Variants in PRKX observed in about 807,000 individuals in gnomAD.
The protein encoded by PRKX is cAMP-dependent protein kinase catalytic subunit PRKX.
Under a neutral mutation model 22.0 loss-of-function variants are expected in PRKX, and 12 were observed. The observed-to-expected ratio is 0.54, with a 90% confidence interval of 0.35 to 0.88. PRKX has a LOEUF of 0.88. PRKX is among the 40% of genes least tolerant of loss of function. The pLI is 0.01. For missense variants in PRKX, 217 were observed against 308.0 expected, an observed-to-expected ratio of 0.70 and a Z score of 2.21; for synonymous variants, 134 against 137.7, an observed-to-expected ratio of 0.97 and a Z score of 0.19.
rs1299668292 is a variant in PRKX at position 3,605,022 on chromosome X, C to G, written c.*3947G>C. ...CCTCACCTTCACCAAGACACACACACACACACACACACACACACACACACA... is the reference window on the plus strand; with the variant it reads ...CCTCACCTTCACCAAGACACACACAGACACACACACACACACACACACACA... On this transcript the variant is annotated 3_prime_UTR_variant, in exon 9 of 9. Transcript: ENST00000262848. 1.6e-5 allele frequency: 1 copy of G among 60,936 alleles called. No homozygotes were observed. Among genetic ancestry groups the G allele is most frequent in the Non-Finnish European group, 3.9e-5 (1 of 25,833 alleles). 5.0% of individuals were successfully genotyped at this position (60,936 alleles called of 1,213,427 possible).
At chrX:3,630,282 A>G (rs765239148) in intron 4 of PRKX, among the ~76,000 whole-genome samples, 6 of 112,614 alleles carry the variant, frequency 5.3e-5, no homozygotes, top group African/African-American at 1.3e-4. Flanking sequence ...GATTTAGGCC[A>G]GGCGCGGTGG....
At chrX:3,640,470 G>A (rs1399203044) in intron 4 of PRKX, among the ~76,000 whole-genome samples, 1 of 112,086 alleles carries the variant, frequency 8.9e-6, no homozygotes. Flanking sequence ...TCCAAGTGTT[G>A]CGTGCTTCCT....
chrX:3,626,201 C>T (rs1022437042), intron 5 of PRKX, among the ~76,000 whole-genome samples: 16 of 112,232 alleles, frequency 1.4e-4, no homozygotes, highest in Non-Finnish European at 2.6e-4. Flanking sequence ...ACCAAAAGAA[C>T]ACAATACGGC....
rs1926116663 is a variant in PRKX, at chrX:3,604,447, T to A, written c.*4522A>T. 1 of 112,566 alleles carries A rather than the reference T, an allele frequency of 8.9e-6. No individual in the cohort carries two copies. Among genetic ancestry groups the A allele is most frequent in the African/African-American group, 3.2e-5 (1 of 30,888 alleles). The allele number at this position is 112,566 out of a possible 1,213,427, so 9.3% of individuals were successfully genotyped here. A position where few individuals can be genotyped will look rare whatever the true frequency, so the allele number is the denominator to read the frequency against. ...TACATAAATTAGACAGCAGTAAAAT[T>A]TTCCTAGGGCATATGTACAAATCAC... On this transcript the variant is annotated 3_prime_UTR_variant, in exon 9 of 9. Coordinates refer to ENST00000262848, the MANE Select transcript of PRKX (RefSeq NM_005044.5).
At position 3,690,909 on chromosome X, in the gene PRKX, C is replaced by T. The variant is rs1474198166; in HGVS notation, c.167-16143G>A. On this transcript the variant is annotated intron_variant, in intron 1 of 8. Transcript: ENST00000262848. The stretch of plus-strand genomic sequence containing the variant: ...CTTTCAATAACATTTGAGTGCAACT[C>T]TACCAAGAAAAACAAGGGCTGGTTT... Among the ~76,000 whole-genome samples, 5 of 112,312 alleles carry T rather than the reference C, an allele frequency of 4.5e-5. No individual in the cohort carries two copies. The East Asian group carries it at 1.4e-3, about 31-fold the overall frequency.
Position 3,689,905 on chromosome X carries a change from A to C in PRKX, c.167-15139T>G, listed in dbSNP as rs544298194. 4.5e-5 allele frequency among the ~76,000 whole-genome samples: 5 copies of C among 111,087 alleles called. No homozygotes were observed. The South Asian group carries it at 1.9e-3, about 43-fold the overall frequency. On this transcript the variant is annotated intron_variant, in intron 1 of 8. Transcript: ENST00000262848. Reference sequence around the variant, plus strand: ...GGCAGGAGGATGGCGTGAACCCGGGAGGCAGAGCTTGCAGTGAGCCGAGAT... The same window carrying C: ...GGCAGGAGGATGGCGTGAACCCGGGCGGCAGAGCTTGCAGTGAGCCGAGAT...
intron 4 of PRKX, among the ~76,000 whole-genome samples, chrX:3,637,924 GC>G (rs780106806): frequency 1.8e-5 from 2 of 109,576 alleles, no homozygotes; most frequent in Admixed American, 9.8e-5. Context: ...ACCATGCCTG[GC>G]TTTTTTTTGT....
At chrX:3,615,424 C>A (rs1926399571) in intron 7 of PRKX, among the ~76,000 whole-genome samples, 1 of 111,812 alleles carries the variant, frequency 8.9e-6, no homozygotes, top group Admixed American at 9.6e-5. Flanking sequence ...GTGCTAGACG[C>A]TTGCTTATCT....
rs147093558 is a variant in PRKX at position 3,615,824 on chromosome X, T to C, written c.942A>G (p.Arg314=). The C allele has an allele frequency of 2.5e-6, 3 of 1,203,229 alleles. No individual in the cohort carries two copies. In the African/African-American group the frequency reaches 5.2e-5, roughly 21 times the overall value. ...CTGATATGTGTTGTACCTTCAGTTT[T>C]CTCTGCGGAACAGCTTCCCAGTCCA... ...RSVDWEAVPQ[R]KLKPPIVPKI... is the part of the protein sequence containing the mutation. Residue 314 remains arginine (R), a synonymous_variant, in exon 7 of 9, where the codon AGA becomes AGG. Coordinates refer to ENST00000262848, the MANE Select transcript of PRKX (RefSeq NM_005044.5).
rs200188843 is a variant in PRKX at position 3,655,314 on chromosome X, G to C, written c.434C>G (p.Ser145Cys). 51 of 1,210,632 alleles carry C rather than the reference G, an allele frequency of 4.2e-5. No individual in the cohort carries two copies. The Admixed American group carries it at 6.8e-4, about 16-fold the overall frequency. ...AGAGTAGAAGAGCCCCGTGGTGCTG[G>C]AGAAGCGCCCCCGGTTGCGCAGGTA... Reference protein sequence around the residue: ...FSYLRNRGRFSSTTGLFYSAE... With the variant: ...FSYLRNRGRFCSTTGLFYSAE... The change falls in exon 3 of 9, where the codon TCC (serine) becomes TGC (cysteine). Residue 145 changes from serine (S) to cysteine (C), a missense_variant. By Grantham distance (112) the Ser-to-Cys change is moderately radical. Transcript: ENST00000262848.
intron 1 of PRKX, among the ~76,000 whole-genome samples, chrX:3,688,424 C>T (rs746797904): frequency 5.8e-5 from 6 of 103,158 alleles, no homozygotes; most frequent in African/African-American, 2.1e-4. Flanking sequence ...CCAGCCTGGG[C>T]GACAGAGCGA....
intron 2 of PRKX, among the ~76,000 whole-genome samples, chrX:3,655,663 A>G (rs1420976146): frequency 8.9e-6 from 1 of 112,632 alleles, no homozygotes; most frequent in Non-Finnish European, 1.9e-5. Context: ...GTGCTTAGAG[A>G]CAGATGTTAG....
chrX:3,680,037 C>G (rs776733991), intron 1 of PRKX, among the ~76,000 whole-genome samples: 1 of 111,334 alleles, frequency 9.0e-6, no homozygotes, highest in South Asian at 3.8e-4. Context: ...TGGCCACTCT[C>G]TCTGCATTCC....
At chrX:3,676,072 C>T (rs1927947943) in intron 1 of PRKX, among the ~76,000 whole-genome samples, 1 of 111,522 alleles carries the variant, frequency 9.0e-6, no homozygotes, top group Non-Finnish European at 1.9e-5. Context: ...CCCTAAATTG[C>T]CTTTGACGTA....
At chrX:3,685,375 A>G (rs1391005787) in intron 1 of PRKX, among the ~76,000 whole-genome samples, 1 of 107,728 alleles carries the variant, frequency 9.3e-6, no homozygotes, top group Non-Finnish European at 1.9e-5. Context: ...CCATCTCACT[A>G]CTAAGCCTCA....
intron 6 of PRKX, among the ~76,000 whole-genome samples, chrX:3,616,638 A>C (rs751887310): frequency 4.2e-4 from 47 of 112,495 alleles, no homozygotes; most frequent in African/African-American, 1.5e-3. Flanking sequence ...CGCGTCTATC[A>C]GTTAGCATTA....
intron 1 of PRKX, among the ~76,000 whole-genome samples, chrX:3,682,055 C>G (rs1474357151): frequency 9.0e-6 from 1 of 111,548 alleles, no homozygotes; most frequent in African/African-American, 3.3e-5. Flanking sequence ...TGGAATTTCA[C>G]GCGGTCACAA....
intron 1 of PRKX, among the ~76,000 whole-genome samples, chrX:3,710,127 T>C (rs7892495): frequency 0.041 from 4,536 of 110,272 alleles, 187 homozygotes; most frequent in African/African-American, 0.12. Flanking sequence ...TTCTCCATCA[T>C]AGGAACAAGC....
intron 4 of PRKX, among the ~76,000 whole-genome samples, chrX:3,631,866 T>G (rs1926790701): frequency 1.8e-5 from 2 of 112,761 alleles, no homozygotes; most frequent in African/African-American, 6.4e-5. Context: ...CTCAAACTTC[T>G]GGTCTCCCGG....
Sources: allele counts gnomAD v4.1 joint callset (sites outside exome capture counted in the v4.1 genomes callset), GRCh38; gene constraint gnomAD v4.1.1; transcripts MANE v1.5; gene names NCBI Gene and HGNC (gene_info 2026-07-23, HGNC 2026-07-21).